The following PDE5A variants were observed in gnomAD, a reference collection of about 807,000 sequenced individuals.
The protein encoded by PDE5A is phosphodiesterase 5A.
A neutral mutation model predicts 110.2 loss-of-function variants in PDE5A; 67 were observed. The ratio of observed to expected loss-of-function variants is 0.61; its 90% CI spans 0.50 to 0.75. The LOEUF is 0.75. PDE5A is among the 30% of genes least tolerant of loss of function. The pLI is 0.00. For synonymous variants in PDE5A, 328 were observed against 351.2 expected, an observed-to-expected ratio of 0.93 and a Z score of 0.74; for missense variants, 862 against 1,045.1, an observed-to-expected ratio of 0.82 and a Z score of 2.42.
intron 16 of PDE5A, among the ~76,000 whole-genome samples, chr4:119,507,269 G>C (rs1298776485): frequency 2.6e-5 from 4 of 151,952 alleles, no homozygotes; most frequent in African/African-American, 9.6e-5. Context: ...CAGAAGTTGT[G>C]GGGAGCAAGG....
At chr4:119,500,847 C>T (rs1279351758) in intron 20 of PDE5A, 5 of 181,950 alleles carry the variant, frequency 2.7e-5, no homozygotes, top group African/African-American at 9.4e-5. Flanking sequence ...TTTATTTAGG[C>T]TAAAATTTAG....
intron 2 of PDE5A, among the ~76,000 whole-genome samples, chr4:119,603,468 T>A (rs1236021642): frequency 6.6e-6 from 1 of 152,220 alleles, no homozygotes; most frequent in Non-Finnish European, 1.5e-5. Flanking sequence ...TGAGACCGTG[T>A]GTGACTGAAC....
At chr4:119,549,093 T>C (rs961661739) in intron 9 of PDE5A, 1 of 142,072 alleles carries the variant, frequency 7.0e-6, no homozygotes, top group Non-Finnish European at 1.6e-5. Context: ...TGTATTCACC[T>C]ATTTAAAGGT....
At chr4:119,624,854 T>G (rs754735953) in intron 1 of PDE5A, among the ~76,000 whole-genome samples, 33 of 152,210 alleles carry the variant, frequency 2.2e-4, no homozygotes, top group Non-Finnish European at 2.5e-4. Flanking sequence ...CCTTCAGGAC[T>G]GCAAATTGTC....
Position 119,565,302 on chromosome 4 carries a change from C to A in PDE5A, c.993+19G>T. The A allele has an allele frequency of 6.6e-7, 1 of 1,526,572 alleles. No individual in the cohort carries two copies. The highest frequency in any genetic ancestry group is 1.1e-5 in the South Asian group (1 of 88,044). 94.6% of individuals were successfully genotyped at this position (1,526,572 alleles called of 1,614,324 possible). Reference sequence around the variant, plus strand: ...TTTAAAAAGTATTTCTATGCACTTTCTTTAGTAATCAGACTGACCTGATTT... The same window carrying A: ...TTTAAAAAGTATTTCTATGCACTTTATTTAGTAATCAGACTGACCTGATTT... On this transcript the variant is annotated intron_variant, in intron 5 of 20. Transcript: ENST00000354960.
chr4:119,586,814 T>C (rs890174672), intron 3 of PDE5A, among the ~76,000 whole-genome samples: 6 of 152,206 alleles, frequency 3.9e-5, no homozygotes, highest in African/African-American at 1.4e-4. Flanking sequence ...AAGCTTCCTA[T>C]TGAATAAAAT....
intron 14 of PDE5A, among the ~76,000 whole-genome samples, chr4:119,514,812 C>T (rs1725856866): frequency 6.6e-6 from 1 of 152,196 alleles, no homozygotes; most frequent in South Asian, 2.1e-4. Context: ...AAGCACTTTA[C>T]ATCTATTTAT....
intron 11 of PDE5A, among the ~76,000 whole-genome samples, chr4:119,531,680 T>C (rs1726548078): frequency 1.3e-5 from 2 of 152,154 alleles, no homozygotes; most frequent in Admixed American, 1.3e-4. Context: ...GTATTGCTAC[T>C]AGATATTGAA....
chr4:119,627,422 G>A lies in PDE5A; in HGVS notation c.152+1098C>T, dbSNP rs983841066. On this transcript the variant is annotated intron_variant, in intron 1 of 20. Coordinates refer to ENST00000354960, the MANE Select transcript of PDE5A (RefSeq NM_001083.4). This position sits in a 1 kb window ranked among gnomAD's most constrained non-coding sequence, Gnocchi z 4.6. ...CGAGTGGGACCCGGGCGTCGAACCC[G>A]GGCGGGCTCCTCGACCATCACTGCC... is the stretch of plus-strand genomic sequence containing the variant. 6 of 439,578 alleles carry A rather than the reference G, an allele frequency of 1.4e-5. No homozygotes were observed. The highest frequency in any genetic ancestry group is 9.6e-5 in the South Asian group (1 of 10,446). The allele number at this position is 439,578 out of a possible 1,614,324, so 27.2% of individuals were successfully genotyped here.
intron 9 of PDE5A, chr4:119,548,087 A>C (rs1229332278): frequency 5.7e-5 from 5 of 88,176 alleles, no homozygotes; most frequent in Admixed American, 5.5e-4. Flanking sequence ...CCCGCTCTTT[A>C]GCCCAGGCCG....
At chr4:119,543,531 T>C (rs765908283) in intron 9 of PDE5A, among the ~76,000 whole-genome samples, 3 of 152,190 alleles carry the variant, frequency 2.0e-5, no homozygotes, top group Non-Finnish European at 4.4e-5. Context: ...TTCTGTGAGG[T>C]AGATGTGACT....
At chr4:119,505,829 G>C (rs371186646) in intron 17 of PDE5A, 26 bp downstream of exon 17, 16 of 1,345,842 alleles carry the variant, frequency 1.2e-5, no homozygotes, top group Non-Finnish European at 1.7e-5. Context: ...AAAAACTTCA[G>C]CTTTAAAGAT....
In PDE5A at chr4:119,606,168, A is replaced by AT. The variant is rs538524500; in HGVS notation, c.741+540dup. Among the ~76,000 whole-genome samples the AT allele has an allele frequency of 3.6e-3, 549 of 152,292 alleles. 3 individuals are homozygous for AT. Among genetic ancestry groups the AT allele is most frequent in the African/African-American group, 0.013 (534 of 41,578 alleles). ...GAAAACTTTTAGAGCAAAAATTTCC[A>AT]TTTTTTTGAAGACATCTGTAAGTTT... On this transcript the variant is annotated intron_variant, in intron 2 of 20. Coordinates refer to ENST00000354960, the MANE Select transcript of PDE5A (RefSeq NM_001083.4).
At chr4:119,591,297 AC>A (rs1365131366) in intron 3 of PDE5A, among the ~76,000 whole-genome samples, 2 of 152,218 alleles carry the variant, frequency 1.3e-5, no homozygotes, top group African/African-American at 4.8e-5. Flanking sequence ...GCCAGGAACT[AC>A]GTTAAACCCT....
chr4:119,588,700 G>A (rs750764192), intron 3 of PDE5A, among the ~76,000 whole-genome samples: 1 of 152,224 alleles, frequency 6.6e-6, no homozygotes, highest in Non-Finnish European at 1.5e-5. Flanking sequence ...TTACATATCT[G>A]ATTTCATGAA....
intron 14 of PDE5A, among the ~76,000 whole-genome samples, chr4:119,511,383 A>C (rs975132956): frequency 1.3e-5 from 2 of 152,154 alleles, no homozygotes; most frequent in Non-Finnish European, 2.9e-5. Flanking sequence ...ATTGGTTTTA[A>C]TACTGATTAA....
chr4:119,558,075 G>A (rs1392331492), intron 7 of PDE5A, among the ~76,000 whole-genome samples: 2 of 152,002 alleles, frequency 1.3e-5, no homozygotes, highest in East Asian at 1.9e-4. Flanking sequence ...AACATAAACG[G>A]CACAACATTA....
intron 1 of PDE5A, among the ~76,000 whole-genome samples, chr4:119,613,103 A>G (rs1729813544): frequency 1.3e-5 from 2 of 152,230 alleles, no homozygotes; most frequent in Non-Finnish European, 2.9e-5. Context: ...TAGTTTAGGG[A>G]GAAAATTATC....
At chr4:119,551,372 A>C (rs1011682991) in intron 9 of PDE5A, among the ~76,000 whole-genome samples, 2 of 152,206 alleles carry the variant, frequency 1.3e-5, no homozygotes, top group Admixed American at 1.3e-4. Context: ...ACTGGAAAAG[A>C]AAGTAATCAG....
Sources: gnomAD v4.1 joint callset for allele counts (sites outside exome capture counted in the v4.1 genomes callset) on GRCh38, gnomAD v4.1.1 for gene constraint, Gnocchi (gnomAD v3.1) non-coding constraint, MANE v1.5 for transcripts, NCBI Gene and HGNC (gene_info 2026-07-23, HGNC 2026-07-21) for gene names.